The following CTIF variants were observed in gnomAD, a reference collection of about 807,000 sequenced individuals.
CTIF encodes the protein cap binding complex dependent translation initiation factor, also known as CBP80/20-dependent translation initiation factor.
CTIF carries 21 observed loss-of-function variants against 66.0 expected under a neutral mutation model. That is an observed-to-expected ratio of 0.32 (90% confidence interval 0.23 to 0.46). The LOEUF (loss-of-function observed/expected upper bound fraction) is 0.46. Among genes scored for constraint, CTIF ranks in the 20% least tolerant of loss-of-function variants. The pLI is 1.00. For synonymous variants in CTIF, 345 were observed against 326.4 expected (o/e 1.06, Z -0.62); for missense variants, 739 against 812.7 (o/e 0.91, Z 1.10).
At chr18:48,615,724 G>A (rs947017853) in intron 1 of CTIF, among the ~76,000 whole-genome samples, 2 of 152,334 alleles carry the variant, frequency 1.3e-5, no homozygotes, top group Admixed American at 6.5e-5. Flanking sequence ...GCCAGGGGCC[G>A]GGGGCTTCCT....
At chr18:48,703,080 G>C (rs2145405485) in intron 6 of CTIF, among the ~76,000 whole-genome samples, 1 of 152,326 alleles carries the variant, frequency 6.6e-6, no homozygotes, top group East Asian at 1.9e-4. Context: ...GTTGGGGCTA[G>C]AGATGATGGG....
intron 1 of CTIF, among the ~76,000 whole-genome samples, chr18:48,610,971 G>T (rs866650249): frequency 6.6e-6 from 1 of 152,156 alleles, no homozygotes; most frequent in Admixed American, 6.5e-5. Flanking sequence ...CTGCGCTTGG[G>T]GTCCACAGAG....
Position 48,860,248 on chromosome 18 carries a change from G to A in CTIF, c.*689G>A, listed in dbSNP as rs1224173548. On this transcript the variant is annotated 3_prime_UTR_variant, in exon 12 of 12. Transcript: ENST00000256413. Reference sequence around the variant, plus strand: ...TTTGCAGTTCCACTTGCACTCTTTTGTTTATTGTGTTTTATTTTTCAAAAG... The same window carrying A: ...TTTGCAGTTCCACTTGCACTCTTTTATTTATTGTGTTTTATTTTTCAAAAG... 1 of 312,168 alleles carries A rather than the reference G, an allele frequency of 3.2e-6. No homozygotes were observed. The allele number at this position is 312,168 out of a possible 1,614,324, so 19.3% of individuals were successfully genotyped here.
At chr18:48,753,119 G>A (rs549178928) in intron 7 of CTIF, among the ~76,000 whole-genome samples, 7 of 152,372 alleles carry the variant, frequency 4.6e-5, no homozygotes, top group South Asian at 2.1e-4. Context: ...CTCAGGGCAT[G>A]TGTAGGTGGG....
chr18:48,853,718 G>A lies in CTIF; in HGVS notation c.1528-3870G>A, dbSNP rs559170755. Reference sequence around the variant, plus strand: ...GCCCTGGAGCCTGCACCCTAGTTTGGCCTGCAGCCAAGCCTGCCGTGGGTC... The same window carrying A: ...GCCCTGGAGCCTGCACCCTAGTTTGACCTGCAGCCAAGCCTGCCGTGGGTC... On this transcript the variant is annotated intron_variant, in intron 10 of 11. Transcript: ENST00000256413. Among the ~76,000 whole-genome samples, 231 of 152,330 alleles carry A rather than the reference G, an allele frequency of 1.5e-3. 2 individuals are homozygous for A. The highest frequency in any genetic ancestry group is 5.1e-3 in the African/African-American group (212 of 41,576).
Position 48,778,166 on chromosome 18 carries a change from ATGTC to A in CTIF, c.1371+16481_1371+16484del, listed in dbSNP as rs573305513. ...ACAGGGCCTCAGAATTCTAGAAAAAATGTCTGTGCACAGCATGGGAGCCTGAGCC... is the reference window on the plus strand; with the variant it reads ...ACAGGGCCTCAGAATTCTAGAAAAAATGTGCACAGCATGGGAGCCTGAGCC... On this transcript the variant is annotated intron_variant, in intron 9 of 11. Transcript: ENST00000256413. Among the ~76,000 whole-genome samples the A allele has an allele frequency of 5.0e-4, 76 of 152,284 alleles. 1 individual carries two copies. The highest frequency in any genetic ancestry group is 1.8e-3 in the African/African-American group (73 of 41,550).
chr18:48,580,444 C>G (rs2089629719), intron 1 of CTIF, among the ~76,000 whole-genome samples: 1 of 152,194 alleles, frequency 6.6e-6, no homozygotes. Context: ...GGGAAACATT[C>G]TAACTCTCGG....
rs73956940 is a variant in CTIF, at chr18:48,593,266, C to T, written c.-28-26272C>T. Among the ~76,000 whole-genome samples the T allele has an allele frequency of 3.5e-3, 528 of 152,110 alleles. 3 individuals carry two copies. Among genetic ancestry groups the T allele is most frequent in the African/African-American group, 0.012 (505 of 41,496 alleles). On this transcript the variant is annotated intron_variant, in intron 1 of 11. Coordinates refer to ENST00000256413, the MANE Select transcript of CTIF (RefSeq NM_014772.3). ...ACCTCCGCTGGGATTCTTAAGACTT[C>T]GCAGAAAAGGGCAAGTTTGTAGTGC...
intron 6 of CTIF, among the ~76,000 whole-genome samples, chr18:48,677,449 A>C (rs560417051): frequency 6.6e-5 from 10 of 152,356 alleles, no homozygotes; most frequent in Admixed American, 6.5e-4. Context: ...CTTAGTGAGA[A>C]TTCAACAAGG....
chr18:48,546,572 A>G (rs1012046409), intron 1 of CTIF, among the ~76,000 whole-genome samples: 4 of 152,198 alleles, frequency 2.6e-5, no homozygotes, highest in Non-Finnish European at 5.9e-5. Context: ...GGAAATCCCC[A>G]GGGATCTCAG....
At chr18:48,658,415 T>C (rs1336535975) in intron 3 of CTIF, among the ~76,000 whole-genome samples, 1 of 100,360 alleles carries the variant, frequency 1.0e-5, no homozygotes, top group Non-Finnish European at 2.4e-5. Context: ...TGTGCACATA[T>C]GTGTGTTTGG....
intron 7 of CTIF, among the ~76,000 whole-genome samples, chr18:48,741,215 C>T (rs1364789016): frequency 2.0e-5 from 3 of 152,016 alleles, no homozygotes; most frequent in Non-Finnish European, 4.4e-5. Flanking sequence ...CAGCTAACAG[C>T]CACAGGTTGG....
intron 9 of CTIF, among the ~76,000 whole-genome samples, chr18:48,771,635 C>A (rs528457472): frequency 1.3e-5 from 2 of 152,314 alleles, no homozygotes; most frequent in African/African-American, 4.8e-5. Flanking sequence ...GCTGCCACGC[C>A]GAAGCAGGCC....
intron 1 of CTIF, among the ~76,000 whole-genome samples, chr18:48,559,252 C>G (rs1454913249): frequency 6.6e-6 from 1 of 151,824 alleles, no homozygotes; most frequent in African/African-American, 2.4e-5. Context: ...ATTGGCCCTA[C>G]CTTCAGACCA....
At chr18:48,583,080 G>C (rs1313994700) in intron 1 of CTIF, among the ~76,000 whole-genome samples, 1 of 152,232 alleles carries the variant, frequency 6.6e-6, no homozygotes. Flanking sequence ...TGATGGGGGA[G>C]TGCCCAGATG....
At chr18:48,620,254 C>T (rs1452134771) in intron 2 of CTIF, among the ~76,000 whole-genome samples, 2 of 152,196 alleles carry the variant, frequency 1.3e-5, no homozygotes, top group African/African-American at 4.8e-5. Context: ...CATACTTAGA[C>T]ATATGAGGCA....
At chr18:48,689,495 C>T (rs780363563) in intron 6 of CTIF, among the ~76,000 whole-genome samples, 16 of 152,154 alleles carry the variant, frequency 1.1e-4, no homozygotes, top group Non-Finnish European at 1.9e-4. Context: ...AACCTTTCAG[C>T]TACAGAGAAC....
intron 7 of CTIF, among the ~76,000 whole-genome samples, chr18:48,746,784 A>G (rs78626935): frequency 0.081 from 12,374 of 152,044 alleles, 598 homozygotes; most frequent in South Asian, 0.2. Context: ...CTGCAGTCTT[A>G]GGGGGATCCT....
intron 2 of CTIF, among the ~76,000 whole-genome samples, chr18:48,624,087 C>T (rs1488767241): frequency 5.5e-5 from 8 of 145,022 alleles, no homozygotes; most frequent in Non-Finnish European, 9.1e-5. Flanking sequence ...TTTGACACCA[C>T]GCCCCTCCCC....
Sources: gnomAD v4.1 joint callset for allele counts (sites outside exome capture counted in the v4.1 genomes callset) on GRCh38, gnomAD v4.1.1 for gene constraint, MANE v1.5 for transcripts, NCBI Gene and HGNC (gene_info 2026-07-23, HGNC 2026-07-21) for gene names.